The following UNC5C variants were observed in gnomAD, a reference collection of about 807,000 sequenced individuals.
UNC5C encodes the protein unc-5 netrin receptor C.
Under a neutral mutation model 99.8 loss-of-function variants are expected in UNC5C, and 47 were observed. That is an observed-to-expected ratio of 0.47 (90% CI 0.37 to 0.60). The LOEUF (loss-of-function observed/expected upper bound fraction) is 0.60. Among genes scored for constraint, UNC5C ranks in the 20% least tolerant of loss-of-function variants. The pLI is 0.00. For synonymous variants in UNC5C, 487 were observed against 452.2 expected, an observed-to-expected ratio of 1.08 and a Z score of -0.98; for missense variants, 1,062 against 1,165.9, an observed-to-expected ratio of 0.91 and a Z score of 1.30.
chr4:95,164,477 C>G lies in UNC5C; in HGVS notation c.*4757G>C, dbSNP rs903738697. The G allele has an allele frequency of 1.3e-5, 2 of 152,136 alleles. No individual in the cohort carries two copies. The highest frequency in any genetic ancestry group is 2.9e-5 in the Non-Finnish European group (2 of 68,036). The allele number at this position is 152,136 out of a possible 1,614,324, so 9.4% of individuals were successfully genotyped here. A position where few individuals can be genotyped will look rare whatever the true frequency, so the allele number is the denominator to read the frequency against. ...AAAGTTCTAAAGATTTCAGTCAATA[C>G]TAGCTCAGCAAGGTTAAAGAATATA... On this transcript the variant is annotated 3_prime_UTR_variant, in exon 16 of 16. Transcript: ENST00000453304.
chr4:95,537,138 T>C (rs1560498364), intron 1 of UNC5C, among the ~76,000 whole-genome samples: 1 of 152,112 alleles, frequency 6.6e-6, no homozygotes, highest in Non-Finnish European at 1.5e-5. Flanking sequence ...TTAAAACCCA[T>C]ATAAGGAAAT....
At chr4:95,187,003 CACG>C (rs1174947014) in intron 12 of UNC5C, among the ~76,000 whole-genome samples, 4 of 152,120 alleles carry the variant, frequency 2.6e-5, no homozygotes, top group Non-Finnish European at 5.9e-5. Context: ...CACCCCACTC[CACG>C]ACAAGAATAG....
At chr4:95,267,052 T>TA (rs747550300) in intron 4 of UNC5C, among the ~76,000 whole-genome samples, 11 of 152,218 alleles carry the variant, frequency 7.2e-5, no homozygotes, top group Non-Finnish European at 1.5e-4. Flanking sequence ...ATAAGACAGT[T>TA]ATTTTCCAAA....
chr4:95,417,532 C>A (rs935257563), intron 1 of UNC5C, among the ~76,000 whole-genome samples: 1 of 152,072 alleles, frequency 6.6e-6, no homozygotes, highest in African/African-American at 2.4e-5. Context: ...TGATTAAAAA[C>A]CAATTTAGGG....
At chr4:95,397,651 T>C (rs1745553607) in intron 1 of UNC5C, among the ~76,000 whole-genome samples, 1 of 152,246 alleles carries the variant, frequency 6.6e-6, no homozygotes, top group African/African-American at 2.4e-5. Context: ...TGCATATTTG[T>C]GTCACTCAAT....
Position 95,274,369 on chromosome 4 carries a change from GTC to G in UNC5C, c.594+3888_594+3889del, listed in dbSNP as rs1406727729. Among the ~76,000 whole-genome samples the G allele has an allele frequency of 4.6e-5, 7 of 152,140 alleles. No homozygotes were observed. In the South Asian group the frequency reaches 1.4e-3, roughly 31 times the overall value. On this transcript the variant is annotated intron_variant, in intron 4 of 15. Coordinates refer to ENST00000453304, the MANE Select transcript of UNC5C (RefSeq NM_003728.4). ...CTGATAGAGCGCTAGGCCCCCAAGA[GTC>G]TGCTCTCGTGCTAAGGAAGCCATGC...
intron 1 of UNC5C, among the ~76,000 whole-genome samples, chr4:95,518,572 C>T (rs1722273916): frequency 6.6e-6 from 1 of 152,198 alleles, no homozygotes; most frequent in Non-Finnish European, 1.5e-5. Flanking sequence ...AGGAAATTAA[C>T]TGTGACTCCA....
At chr4:95,194,245 T>C (rs1232245739) in intron 12 of UNC5C, among the ~76,000 whole-genome samples, 1 of 152,190 alleles carries the variant, frequency 6.6e-6, no homozygotes, top group Non-Finnish European at 1.5e-5. Flanking sequence ...CTCACATCTA[T>C]GTATTAGGAA....
chr4:95,222,330 T>C (rs1443423543), intron 7 of UNC5C: 215 of 710,590 alleles, frequency 3.0e-4, no homozygotes, highest in Non-Finnish European at 4.2e-4. Flanking sequence ...GGAAAGAAAA[T>C]AGGAAGCATG....
chr4:95,242,335 A>G (rs887364031), intron 7 of UNC5C, 94 bp downstream of exon 7: 58 of 1,505,926 alleles, frequency 3.9e-5, no homozygotes, highest in Non-Finnish European at 5.0e-5. Flanking sequence ...ATTGTTGTTG[A>G]AAGAATTCTT....
intron 4 of UNC5C, among the ~76,000 whole-genome samples, chr4:95,268,923 A>G (rs1740553079): frequency 6.6e-6 from 1 of 152,250 alleles, no homozygotes; most frequent in Non-Finnish European, 1.5e-5. Context: ...TAGGTACATT[A>G]ATCAAACAAA....
chr4:95,173,785 T>C (rs1037085337), intron 14 of UNC5C, among the ~76,000 whole-genome samples: 1 of 152,216 alleles, frequency 6.6e-6, no homozygotes, highest in Non-Finnish European at 1.5e-5. Flanking sequence ...TCCCTCTTTT[T>C]CTATTGATTG....
intron 1 of UNC5C, among the ~76,000 whole-genome samples, chr4:95,516,061 A>T (rs755976503): frequency 6.6e-6 from 1 of 152,202 alleles, no homozygotes; most frequent in Non-Finnish European, 1.5e-5. Flanking sequence ...GTAACTGTAC[A>T]TGCTTTTGGA....
intron 1 of UNC5C, among the ~76,000 whole-genome samples, chr4:95,350,067 A>G (rs1405943781): frequency 6.6e-6 from 1 of 152,168 alleles, no homozygotes; most frequent in East Asian, 1.9e-4. Flanking sequence ...CTATTAGTCT[A>G]GTTATGTAAA....
chr4:95,440,051 G>C (rs962464950), intron 1 of UNC5C, among the ~76,000 whole-genome samples: 20 of 152,192 alleles, frequency 1.3e-4, no homozygotes, highest in African/African-American at 4.8e-4. Flanking sequence ...TCGGCCACCT[G>C]TTGCTGCTTC....
intron 1 of UNC5C, among the ~76,000 whole-genome samples, chr4:95,448,552 C>T (rs1747188431): frequency 6.6e-6 from 1 of 152,098 alleles, no homozygotes; most frequent in Non-Finnish European, 1.5e-5. Flanking sequence ...AGCAAAATGT[C>T]TCCAAATCCT....
At chr4:95,275,528 T>C (rs2149393019) in intron 4 of UNC5C, among the ~76,000 whole-genome samples, 1 of 152,266 alleles carries the variant, frequency 6.6e-6, no homozygotes, top group African/African-American at 2.4e-5. Context: ...AATGGTGATG[T>C]TTGGGTTTGA....
At chr4:95,516,922 G>C (rs1189310256) in intron 1 of UNC5C, among the ~76,000 whole-genome samples, 3 of 152,044 alleles carry the variant, frequency 2.0e-5, no homozygotes, top group Non-Finnish European at 4.4e-5. Context: ...AGAGCACTAC[G>C]AAAAGGGAAC....
chr4:95,200,670 TGATA>T (rs1414170452), intron 12 of UNC5C, among the ~76,000 whole-genome samples: 1 of 152,254 alleles, frequency 6.6e-6, no homozygotes, highest in African/African-American at 2.4e-5. Context: ...TACTCTCTCT[TGATA>T]TTCTTCCTGA....
Sources: allele counts gnomAD v4.1 joint callset (sites outside exome capture counted in the v4.1 genomes callset), GRCh38; gene constraint gnomAD v4.1.1; transcripts MANE v1.5; gene names NCBI Gene and HGNC (gene_info 2026-07-23, HGNC 2026-07-21).